P2RY6: variants seen among roughly 807,000 people sequenced by gnomAD.
P2RY6 encodes P2Y purinoceptor 6.
In P2RY6, 19 loss-of-function variants were observed where a neutral mutation model predicts 16.3. That is an observed-to-expected ratio of 1.16 (90% CI 0.81 to 1.71). P2RY6 has a LOEUF of 1.71. Among genes scored for constraint, P2RY6 ranks in the 40% most tolerant of loss-of-function variants. P2RY6 has a pLI of 0.00. For synonymous variants in P2RY6, 184 were observed against 201.5 expected (o/e 0.91, Z 0.74); for missense variants, 389 against 455.5 (o/e 0.85, Z 1.33).
intron 2 of P2RY6, among the ~76,000 whole-genome samples, chr11:73,296,071 C>T (rs535895671): frequency 3.5e-4 from 53 of 151,968 alleles, no homozygotes; most frequent in Middle Eastern, 3.4e-3. Flanking sequence ...CCCCTTTTCT[C>T]GGGTGAAATG....
At chr11:73,275,639 A>G (rs1229455692) in intron 1 of P2RY6, among the ~76,000 whole-genome samples, 1 of 151,862 alleles carries the variant, frequency 6.6e-6, no homozygotes, top group African/African-American at 2.4e-5. Context: ...GCTCCTGAGA[A>G]GGACACACCT....
At chr11:73,274,253 T>C (rs1250102976) in intron 1 of P2RY6, among the ~76,000 whole-genome samples, 1 of 152,190 alleles carries the variant, frequency 6.6e-6, no homozygotes, top group South Asian at 2.1e-4. Flanking sequence ...TTATTAACTG[T>C]TGTGGCTTAC....
upstream of P2RY6, among the ~76,000 whole-genome samples, chr11:73,269,729 T>A (rs879811697): frequency 3.9e-5 from 6 of 152,182 alleles, no homozygotes; most frequent in Non-Finnish European, 8.8e-5. Flanking sequence ...AGGCAGACAC[T>A]GTGCAACCAG....
chr11:73,269,532 G>A (rs1863216792), upstream of P2RY6, among the ~76,000 whole-genome samples: 1 of 152,168 alleles, frequency 6.6e-6, no homozygotes, highest in South Asian at 2.1e-4. Flanking sequence ...GGCTCCCCAG[G>A]AGCAGCATGT....
At chr11:73,267,665 G>A (rs1031400960), upstream of P2RY6, among the ~76,000 whole-genome samples, 5 of 152,186 alleles carry the variant, frequency 3.3e-5, no homozygotes, top group Admixed American at 6.5e-5. Flanking sequence ...AGGCTGGGGG[G>A]TGGAGAGCTC....
At chr11:73,287,200 C>T (rs1214178368) in intron 1 of P2RY6, among the ~76,000 whole-genome samples, 1 of 152,228 alleles carries the variant, frequency 6.6e-6, no homozygotes, top group Non-Finnish European at 1.5e-5. Flanking sequence ...TCGCCCAGGA[C>T]AATGCCTGGA....
chr11:73,279,492 G>T (rs756917795), intron 1 of P2RY6, among the ~76,000 whole-genome samples: 1 of 152,200 alleles, frequency 6.6e-6, no homozygotes, highest in Non-Finnish European at 1.5e-5. Flanking sequence ...GCAAGAAAAT[G>T]TATATCAGTT....
upstream of P2RY6, among the ~76,000 whole-genome samples, chr11:73,268,627 A>G (rs531058979): frequency 3.3e-5 from 5 of 152,242 alleles, no homozygotes; most frequent in East Asian, 9.7e-4. Flanking sequence ...CTGTCTGGAA[A>G]AAAAAGATGT....
At chr11:73,272,522 G>C (rs1863355831) in intron 1 of P2RY6, 56 bp downstream of exon 1, 1 of 985,410 alleles carries the variant, frequency 1.0e-6, no homozygotes, top group East Asian at 1.1e-4. Flanking sequence ...TCCCCTAGGA[G>C]CTTCCTGAGT....
chr11:73,277,761 T>C (rs1050263205), intron 1 of P2RY6, among the ~76,000 whole-genome samples: 5 of 152,236 alleles, frequency 3.3e-5, no homozygotes, highest in African/African-American at 4.8e-5. Context: ...ATTTGTTATA[T>C]TTGTTATACC....
intron 1 of P2RY6, among the ~76,000 whole-genome samples, chr11:73,290,330 A>AG (rs1491280792): frequency 6.7e-6 from 1 of 149,752 alleles, no homozygotes; most frequent in Non-Finnish European, 1.5e-5. Flanking sequence ...AAAGAAAGAA[A>AG]GAAAGAAAGA....
chr11:73,276,636 TG>T (rs1236120281), intron 1 of P2RY6, among the ~76,000 whole-genome samples: 11 of 152,340 alleles, frequency 7.2e-5, no homozygotes, highest in African/African-American at 2.2e-4. Context: ...TGATTCAATT[TG>T]CATAAAATGT....
rs1554992495 is a variant in P2RY6 at position 73,296,569 on chromosome 11, C to T, written c.51C>T (p.Thr17=). 1 of 1,614,234 alleles carries T rather than the reference C, an allele frequency of 6.2e-7. No homozygotes were observed. The highest frequency in any genetic ancestry group is 1.6e-4 in the Middle Eastern group (1 of 6,062). ...TGQALGLPPT[T]CVYRENFKQL... ...AGGCTCTGGGCTTGCCACCCACCAC[C>T]TGTGTCTACCGCGAGAACTTCAAGC... is the stretch of plus-strand genomic sequence containing the variant. The change falls in exon 3 of 3, where the codon ACC becomes ACT. Residue 17 remains threonine (T), a synonymous_variant. Transcript: ENST00000540124.
At chr11:73,280,141 A>G (rs35963948) in intron 1 of P2RY6, among the ~76,000 whole-genome samples, 20,638 of 152,138 alleles carry the variant, frequency 0.14, 1,464 homozygotes, top group Non-Finnish European at 0.16. Context: ...TTCCTACCCC[A>G]GTCCTGCTCT....
At chr11:73,289,011 G>A (rs1226723525) in intron 1 of P2RY6, among the ~76,000 whole-genome samples, 1 of 152,258 alleles carries the variant, frequency 6.6e-6, no homozygotes, top group African/African-American at 2.4e-5. Context: ...TGCCTCAGCT[G>A]GCTGGCAGAC....
chr11:73,281,081 T>C (rs1263182295), intron 1 of P2RY6, among the ~76,000 whole-genome samples: 1 of 152,006 alleles, frequency 6.6e-6, no homozygotes, highest in Non-Finnish European at 1.5e-5. Flanking sequence ...GGCTTGGTGA[T>C]TGACATGAAG....
intron 1 of P2RY6, among the ~76,000 whole-genome samples, chr11:73,284,418 G>A (rs1005625237): frequency 6.6e-6 from 1 of 152,162 alleles, no homozygotes; most frequent in Non-Finnish European, 1.5e-5. Flanking sequence ...GAGTGATCCT[G>A]TGCAGGGAGG....
intron 1 of P2RY6, among the ~76,000 whole-genome samples, chr11:73,287,670 A>T (rs1174299828): frequency 2.6e-5 from 4 of 152,244 alleles, no homozygotes; most frequent in Admixed American, 2.6e-4. Context: ...AGCCAACTGC[A>T]CTACTTGCAG....
intron 1 of P2RY6, among the ~76,000 whole-genome samples, chr11:73,290,220 C>T (rs942885774): frequency 4.4e-5 from 6 of 137,574 alleles, no homozygotes; most frequent in African/African-American, 1.6e-4. Flanking sequence ...GAAACTCCGT[C>T]AAAAAAAGAA....
Sources: gnomAD v4.1 joint callset for allele counts (sites outside exome capture counted in the v4.1 genomes callset) on GRCh38, gnomAD v4.1.1 for gene constraint, MANE v1.5 for transcripts, NCBI Gene and HGNC (gene_info 2026-07-23, HGNC 2026-07-21) for gene names.